Variants in CMPK1 observed in about 807,000 individuals in gnomAD.
CMPK1 encodes UMP-CMP kinase.
Under a neutral mutation model 25.7 loss-of-function variants are expected in CMPK1, and 10 were observed. The observed-to-expected ratio is 0.39, with a 90% CI of 0.24 to 0.66. The LOEUF is 0.66. CMPK1 is among the 30% of genes least tolerant of loss of function. The pLI, the probability that CMPK1 is intolerant of heterozygous loss-of-function variation, is 0.48. For synonymous variants in CMPK1, 106 were observed against 101.5 expected (o/e 1.04, Z -0.27); for missense variants, 199 against 280.5 (o/e 0.71, Z 2.08).
chr1:47,374,732 A>C (rs1233149179), intron 3 of CMPK1, among the ~76,000 whole-genome samples, 177 bp from the exon 4 acceptor site: 1 of 152,228 alleles, frequency 6.6e-6, no homozygotes, highest in Admixed American at 6.5e-5. Flanking sequence ...CCTAGTTTAT[A>C]TAAATTGAAC....
intron 1 of CMPK1, among the ~76,000 whole-genome samples, chr1:47,342,649 C>CTTTTTTTTTTTTT (rs11334963): frequency 8.6e-6 from 1 of 116,414 alleles, no homozygotes; most frequent in Non-Finnish European, 1.8e-5. Flanking sequence ...TCTCTTTTTT[C>CTTTTTTTTTTTTT]TTTTTTTTTT....
At chr1:47,348,161 G>A (rs1026333504) in intron 1 of CMPK1, among the ~76,000 whole-genome samples, 1 of 152,170 alleles carries the variant, frequency 6.6e-6, no homozygotes, top group African/African-American at 2.4e-5. Flanking sequence ...GAGGATTAGA[G>A]AAATCAATCT....
At chr1:47,341,103 C>G (rs1404587354) in intron 1 of CMPK1, among the ~76,000 whole-genome samples, 1 of 152,112 alleles carries the variant, frequency 6.6e-6, no homozygotes, top group Non-Finnish European at 1.5e-5. Flanking sequence ...TGAAAACTTT[C>G]ATTTTTTGCC....
At position 47,378,426 on chromosome 1, in the gene CMPK1, C is replaced by T. The variant is rs1646721723; in HGVS notation, c.*1681C>T. The T allele has an allele frequency of 6.6e-6, 1 of 152,128 alleles. No individual in the cohort carries two copies. The highest frequency in any genetic ancestry group is 2.1e-4 in the South Asian group (1 of 4,826). 9.4% of individuals were successfully genotyped at this position (152,128 alleles called of 1,614,324 possible). A position where few individuals can be genotyped will look rare whatever the true frequency, so the allele number is the denominator to read the frequency against. On this transcript the variant is annotated 3_prime_UTR_variant, in exon 6 of 6. Transcript: ENST00000371873. ...TACTCACATAAGTGAAGAAATCTGT[C>T]AGATAGGAATCTAAATATTTATAGT...
intron 1 of CMPK1, among the ~76,000 whole-genome samples, chr1:47,360,662 A>G (rs1646595553): frequency 6.6e-6 from 1 of 152,196 alleles, no homozygotes; most frequent in South Asian, 2.1e-4. Flanking sequence ...GCAAGTCACT[A>G]TTGCATCCTT....
chr1:47,345,277 A>G (rs760087691), intron 1 of CMPK1, among the ~76,000 whole-genome samples: 1 of 148,908 alleles, frequency 6.7e-6, no homozygotes, highest in Non-Finnish European at 1.5e-5. Flanking sequence ...TAGCTTAAAG[A>G]CTCTCAAACG....
At chr1:47,359,533 G>A (rs1463357622) in intron 1 of CMPK1, among the ~76,000 whole-genome samples, 2 of 149,736 alleles carry the variant, frequency 1.3e-5, no homozygotes, top group African/African-American at 4.9e-5. Flanking sequence ...GATTACAGGT[G>A]CCCGCCACCA....
intron 1 of CMPK1, among the ~76,000 whole-genome samples, chr1:47,346,504 C>T (rs1431034296): frequency 6.7e-6 from 1 of 149,500 alleles, no homozygotes; most frequent in African/African-American, 2.5e-5. Flanking sequence ...TTCTCTCTCT[C>T]TTTTTTTTTT....
chr1:47,373,159 C>T, intron 3 of CMPK1, 52 bp downstream of exon 3: 1 of 1,496,300 alleles, frequency 6.7e-7, no homozygotes, highest in Non-Finnish European at 9.0e-7. Flanking sequence ...TGTTAGTCAA[C>T]TATTAGAAAA....
intron 1 of CMPK1, chr1:47,358,434 T>A (rs780027492): frequency 9.2e-6 from 11 of 1,200,498 alleles, no homozygotes; most frequent in Non-Finnish European, 1.1e-5. Context: ...AAGTTTGTTC[T>A]TCAAGAGATT....
intron 1 of CMPK1, among the ~76,000 whole-genome samples, chr1:47,335,835 C>T (rs1175289049): frequency 6.6e-6 from 1 of 151,872 alleles, no homozygotes; most frequent in African/African-American, 2.4e-5. Context: ...GCGATCTCAG[C>T]ACACTGCAAC....
intron 1 of CMPK1, among the ~76,000 whole-genome samples, chr1:47,334,905 C>T (rs894720913): frequency 2.6e-5 from 4 of 152,222 alleles, no homozygotes; most frequent in African/African-American, 9.6e-5. Context: ...ATATAAAACA[C>T]CTCCCAAATG....
chr1:47,369,952 T>G (rs949123312), intron 2 of CMPK1, among the ~76,000 whole-genome samples: 23 of 139,086 alleles, frequency 1.7e-4, no homozygotes, highest in Non-Finnish European at 2.9e-4. Context: ...TTTCGCTCTG[T>G]CGCCCAGGCT....
At chr1:47,345,370 TTAAG>T (rs774103465) in intron 1 of CMPK1, among the ~76,000 whole-genome samples, 3 of 152,318 alleles carry the variant, frequency 2.0e-5, no homozygotes, top group Non-Finnish European at 2.9e-5. Flanking sequence ...AACAGCTATA[TTAAG>T]TAAGTAATTA....
chr1:47,360,669 C>A (rs1191017186), intron 1 of CMPK1, among the ~76,000 whole-genome samples: 1 of 152,186 alleles, frequency 6.6e-6, no homozygotes, highest in Non-Finnish European at 1.5e-5. Context: ...ACTATTGCAT[C>A]CTTTGTTAAT....
intron 1 of CMPK1, among the ~76,000 whole-genome samples, chr1:47,338,552 T>G: frequency 9.6e-6 from 1 of 104,636 alleles, no homozygotes. Context: ...TCCCTCCCTC[T>G]CTCCTTCCCT....
chr1:47,370,556 G>T (rs180709804), intron 2 of CMPK1, among the ~76,000 whole-genome samples: 1 of 151,098 alleles, frequency 6.6e-6, no homozygotes, highest in African/African-American at 2.4e-5. Context: ...CAGAAGAATC[G>T]CATGAACCTG....
In CMPK1 at chr1:47,376,810, C is replaced by T. The variant is rs1010365974; in HGVS notation, c.*65C>T. ...TTGCTTTGATAGCTGCTATCATGACCCCTTTTTAAGGCAATTCTAATCTTT... is the reference window on the plus strand; with the variant it reads ...TTGCTTTGATAGCTGCTATCATGACTCCTTTTTAAGGCAATTCTAATCTTT... On this transcript the variant is annotated 3_prime_UTR_variant, in exon 6 of 6. Transcript: ENST00000371873. The T allele has an allele frequency of 4.3e-5, 39 of 907,766 alleles. No individual in the cohort carries two copies. The highest frequency in any genetic ancestry group is 6.7e-5 in the Non-Finnish European group (38 of 566,968). The allele number at this position is 907,766 out of a possible 1,614,324, so 56.2% of individuals were successfully genotyped here.
intron 1 of CMPK1, among the ~76,000 whole-genome samples, chr1:47,334,755 G>A (rs1229816479): frequency 6.6e-6 from 1 of 152,174 alleles, no homozygotes; most frequent in Non-Finnish European, 1.5e-5. Flanking sequence ...GGGAAAGCCG[G>A]GAGTGCTGTT....
Sources: allele counts gnomAD v4.1 joint callset (sites outside exome capture counted in the v4.1 genomes callset), GRCh38; gene constraint gnomAD v4.1.1; transcripts MANE v1.5; gene names NCBI Gene and HGNC (gene_info 2026-07-23, HGNC 2026-07-21).